The following DLG2 variants were observed in gnomAD, a reference collection of about 807,000 sequenced individuals.
DLG2 encodes disks large homolog 2.
In DLG2, 45 loss-of-function variants were observed where a neutral mutation model predicts 132.5. The observed-to-expected ratio is 0.34, with a 90% CI of 0.27 to 0.44. The LOEUF is 0.44. Among genes scored for constraint, DLG2 ranks in the 20% least tolerant of loss-of-function variants. The probability of loss-of-function intolerance (pLI) is 1.00; values close to 1 mark genes in which losing one functional copy is unlikely to be tolerated. For missense variants in DLG2, 1,045 were observed against 1,196.9 expected (o/e 0.87, Z 1.87); for synonymous variants, 424 against 419.6 (o/e 1.01, Z -0.13).
At chr11:84,860,939 C>T (rs143947437) in intron 6 of DLG2, among the ~76,000 whole-genome samples, 99 of 151,810 alleles carry the variant, frequency 6.5e-4, no homozygotes, top group African/African-American at 2.3e-3. Context: ...AAAGAACATG[C>T]ACTTATTTTT....
chr11:83,477,037 A>G (rs1425207591), intron 22 of DLG2, among the ~76,000 whole-genome samples: 2 of 152,060 alleles, frequency 1.3e-5, no homozygotes, highest in African/African-American at 4.8e-5. Context: ...TTTCACTCAG[A>G]TTAGTTCTTC....
chr11:85,176,616 A>G (rs959184891), intron 4 of DLG2, among the ~76,000 whole-genome samples: 2 of 152,218 alleles, frequency 1.3e-5, no homozygotes, highest in East Asian at 1.9e-4. Context: ...GACAAATGGG[A>G]TCTAATTTAA....
At chr11:83,559,258 G>T (rs959700291) in intron 19 of DLG2, among the ~76,000 whole-genome samples, 1 of 152,134 alleles carries the variant, frequency 6.6e-6, no homozygotes, top group Admixed American at 6.5e-5. Context: ...GTTTGCTTGG[G>T]TGTGCAGGGG....
intron 18 of DLG2, among the ~76,000 whole-genome samples, chr11:83,763,433 T>C (rs567581243): frequency 2.6e-5 from 4 of 152,358 alleles, no homozygotes; most frequent in Admixed American, 2.6e-4. Context: ...AGATTGTTTC[T>C]ATTATAGCTT....
intron 4 of DLG2, among the ~76,000 whole-genome samples, chr11:85,241,084 T>C (rs1052396204): frequency 2.0e-5 from 3 of 151,758 alleles, no homozygotes; most frequent in African/African-American, 4.8e-5. Flanking sequence ...TTTAATAAAG[T>C]TTTATACCTT....
In DLG2 at chr11:84,672,640, C is replaced by T. The variant is rs540487707; in HGVS notation, c.358-137909G>A. 3.9e-5 allele frequency among the ~76,000 whole-genome samples: 6 copies of T among 152,108 alleles called. No homozygotes were observed. In the South Asian group the frequency reaches 8.3e-4, roughly 21 times the overall value. On this transcript the variant is annotated intron_variant, in intron 6 of 27. Coordinates refer to ENST00000376104, the MANE Select transcript of DLG2 (RefSeq NM_001142699.3). The stretch of plus-strand genomic sequence containing the variant: ...TTGATAGACAGGACTTCTAGAAAAG[C>T]GCCTTAAAATGGAGACAGACACCTG...
chr11:83,623,509 A>G (rs1028802550), intron 19 of DLG2, among the ~76,000 whole-genome samples: 1 of 152,220 alleles, frequency 6.6e-6, no homozygotes, highest in South Asian at 2.1e-4. Context: ...TCACAGTCCA[A>G]TGGAGGGAGC....
intron 17 of DLG2, among the ~76,000 whole-genome samples, chr11:83,815,475 A>G (rs1155448): frequency 0.67 from 101,109 of 151,960 alleles, 34,284 homozygotes; most frequent in Middle Eastern, 0.79. Flanking sequence ...AGGTTGGTTA[A>G]GGGCCAGCTG....
intron 3 of DLG2, among the ~76,000 whole-genome samples, chr11:85,424,741 C>A (rs780279506): frequency 6.6e-6 from 1 of 152,130 alleles, no homozygotes; most frequent in African/African-American, 2.4e-5. Flanking sequence ...CATTCAAACT[C>A]TGATTTTTTT....
At chr11:83,786,402 A>C (rs1255751141) in intron 18 of DLG2, 1 of 326,138 alleles carries the variant, frequency 3.1e-6, no homozygotes, top group Non-Finnish European at 5.8e-6. Context: ...TTGGTGACCG[A>C]AAGTGTGTAC....
chr11:85,081,437 A>G (rs2067213120), intron 6 of DLG2, among the ~76,000 whole-genome samples: 2 of 152,186 alleles, frequency 1.3e-5, no homozygotes, highest in South Asian at 4.1e-4. Context: ...TTGCCCTTCT[A>G]TCTTGCAGTT....
At chr11:84,812,257 A>G (rs953259219) in intron 6 of DLG2, among the ~76,000 whole-genome samples, 1 of 152,188 alleles carries the variant, frequency 6.6e-6, no homozygotes, top group Non-Finnish European at 1.5e-5. Context: ...TGAACTCCAG[A>G]TAAATAAAAT....
intron 6 of DLG2, among the ~76,000 whole-genome samples, chr11:84,716,543 A>G (rs1186235375): frequency 6.6e-6 from 1 of 151,962 alleles, no homozygotes; most frequent in Non-Finnish European, 1.5e-5. Context: ...ATCTTTGTGG[A>G]TGGAGAAAAC....
Position 83,476,134 on chromosome 11 carries a change from G to A in DLG2, c.2294-3357C>T, listed in dbSNP as rs557675256. On this transcript the variant is annotated intron_variant, in intron 22 of 27. Coordinates refer to ENST00000376104, the MANE Select transcript of DLG2 (RefSeq NM_001142699.3). ...TGGAGTTGAAGACCAGTGGCAGTACGTTTAATGCTCAAAATTTTGTTTTTA... is the reference window on the plus strand; with the variant it reads ...TGGAGTTGAAGACCAGTGGCAGTACATTTAATGCTCAAAATTTTGTTTTTA... 5.9e-5 allele frequency among the ~76,000 whole-genome samples: 9 copies of A among 152,198 alleles called. No homozygotes were observed. The East Asian group carries it at 9.7e-4, about 16-fold the overall frequency.
chr11:83,793,267 T>G (rs970494716), intron 17 of DLG2, among the ~76,000 whole-genome samples: 8 of 152,182 alleles, frequency 5.3e-5, no homozygotes, highest in Non-Finnish European at 1.2e-4. Context: ...ATATCATAGA[T>G]AGAGTGAATT....
chr11:85,037,042 C>A (rs1042493297), intron 6 of DLG2, among the ~76,000 whole-genome samples: 1 of 152,182 alleles, frequency 6.6e-6, no homozygotes, highest in Admixed American at 6.5e-5. Flanking sequence ...TGGCTGAAGG[C>A]ACGTGGTGCA....
At chr11:84,091,314 C>T (rs2097090256) in intron 10 of DLG2, among the ~76,000 whole-genome samples, 1 of 152,184 alleles carries the variant, frequency 6.6e-6, no homozygotes, top group Non-Finnish European at 1.5e-5. Context: ...CAGTTTCTGG[C>T]TGTCTCCCTC....
chr11:83,672,475 C>T (rs913089742), intron 18 of DLG2, among the ~76,000 whole-genome samples: 1 of 152,144 alleles, frequency 6.6e-6, no homozygotes, highest in Admixed American at 6.5e-5. Context: ...CCGTGCCCGG[C>T]CTCCTTGATT....
At chr11:84,783,770 T>C (rs1204436026) in intron 6 of DLG2, among the ~76,000 whole-genome samples, 1 of 152,156 alleles carries the variant, frequency 6.6e-6, no homozygotes, top group Non-Finnish European at 1.5e-5. Flanking sequence ...TGATTCCTGT[T>C]TCAGAGTTTT....
Sources: allele counts gnomAD v4.1 joint callset (sites outside exome capture counted in the v4.1 genomes callset), GRCh38; gene constraint gnomAD v4.1.1; transcripts MANE v1.5; gene names NCBI Gene and HGNC (gene_info 2026-07-23, HGNC 2026-07-21).